The following MAGI1 variants were observed in gnomAD, a reference collection of about 807,000 sequenced individuals.
MAGI1 encodes membrane-associated guanylate kinase, WW and PDZ domain-containing protein 1.
Under a neutral mutation model 139.9 loss-of-function variants are expected in MAGI1, and 58 were observed. The observed-to-expected ratio is 0.41, with a 90% CI of 0.34 to 0.52. The LOEUF (loss-of-function observed/expected upper bound fraction) is 0.52, where lower values mean the gene tolerates loss of function less well. Among genes scored for constraint, MAGI1 ranks in the 20% least tolerant of loss-of-function variants. The probability of loss-of-function intolerance (pLI) is 0.12; values close to 1 mark genes in which losing one functional copy is unlikely to be tolerated. For missense variants in MAGI1, 1,874 were observed against 1,901.6 expected (o/e 0.99, Z 0.27); for synonymous variants, 812 against 737.9 (o/e 1.10, Z -1.63).
At chr3:65,605,207 C>T (rs1234762439) in intron 2 of MAGI1, among the ~76,000 whole-genome samples, 1 of 152,156 alleles carries the variant, frequency 6.6e-6, no homozygotes, top group Non-Finnish European at 1.5e-5. Context: ...TCCACTTATC[C>T]TTAAAATTGC....
At chr3:65,368,574 G>A (rs1457313456) in intron 18 of MAGI1, among the ~76,000 whole-genome samples, 1 of 152,112 alleles carries the variant, frequency 6.6e-6, no homozygotes, top group Non-Finnish European at 1.5e-5. Context: ...CTCCCCTTAC[G>A]GAATCCACAT....
At chr3:65,472,672 C>T (rs1450835819) in intron 4 of MAGI1, among the ~76,000 whole-genome samples, 1 of 152,166 alleles carries the variant, frequency 6.6e-6, no homozygotes, top group African/African-American at 2.4e-5. Context: ...GCTACACACT[C>T]CTCCGTGCAC....
At chr3:65,403,713 A>G (rs561560597) in intron 12 of MAGI1, among the ~76,000 whole-genome samples, 2 of 152,290 alleles carry the variant, frequency 1.3e-5, no homozygotes, top group East Asian at 3.9e-4. Context: ...AATGGTTTCA[A>G]TCTATACTCT....
At chr3:65,954,897 T>A (rs1306554588) in intron 1 of MAGI1, among the ~76,000 whole-genome samples, 1 of 152,154 alleles carries the variant, frequency 6.6e-6, no homozygotes, top group Admixed American at 6.5e-5. Flanking sequence ...AATTCTGACA[T>A]TTGTCATTCT....
At chr3:66,024,656 A>G (rs1432845157) in intron 1 of MAGI1, among the ~76,000 whole-genome samples, 1 of 152,160 alleles carries the variant, frequency 6.6e-6, no homozygotes, top group Non-Finnish European at 1.5e-5. Context: ...AAAATACAAA[A>G]TTAGCTGGGT....
At chr3:65,724,930 G>A (rs1389835502) in intron 1 of MAGI1, among the ~76,000 whole-genome samples, 1 of 152,010 alleles carries the variant, frequency 6.6e-6, no homozygotes, top group Non-Finnish European at 1.5e-5. Context: ...CAACACTCGG[G>A]GGTTATGGGC....
chr3:65,668,605 C>A (rs182817403), intron 1 of MAGI1, among the ~76,000 whole-genome samples: 3 of 123,278 alleles, frequency 2.4e-5, no homozygotes, highest in African/African-American at 9.7e-5. Context: ...CTCACTCTGT[C>A]GCCCAGGCTG....
chr3:65,916,800 CAT>C (rs1384599243), intron 1 of MAGI1, among the ~76,000 whole-genome samples: 3 of 151,934 alleles, frequency 2.0e-5, no homozygotes, highest in Non-Finnish European at 4.4e-5. Context: ...CACACACACA[CAT>C]ACACACACAC....
intron 2 of MAGI1, among the ~76,000 whole-genome samples, chr3:65,572,039 GA>G (rs1363537543): frequency 6.6e-6 from 1 of 151,848 alleles, no homozygotes; most frequent in African/African-American, 2.4e-5. Flanking sequence ...GAAAGGGACA[GA>G]AAAAGATTAT....
intron 1 of MAGI1, among the ~76,000 whole-genome samples, chr3:65,634,031 G>A (rs2107177474): frequency 6.6e-6 from 1 of 152,294 alleles, no homozygotes; most frequent in South Asian, 2.1e-4. Context: ...CTTTCAATGA[G>A]CCAGATAGCA....
intron 1 of MAGI1, among the ~76,000 whole-genome samples, chr3:66,000,034 G>A (rs1184835885): frequency 3.4e-5 from 5 of 146,024 alleles, no homozygotes; most frequent in Non-Finnish European, 5.9e-5. Context: ...GTGCAGTGGC[G>A]CGAACTAGGC....
chr3:65,698,568 G>A (rs1232113725), intron 1 of MAGI1, among the ~76,000 whole-genome samples: 6 of 151,922 alleles, frequency 3.9e-5, no homozygotes, highest in Admixed American at 1.3e-4. Context: ...CAGAAATAAC[G>A]CTGCATATCT....
intron 1 of MAGI1, among the ~76,000 whole-genome samples, chr3:66,031,743 TG>T (rs2068606279): frequency 6.6e-6 from 1 of 151,230 alleles, no homozygotes; most frequent in African/African-American, 2.4e-5. Flanking sequence ...GGGCTAAAAT[TG>T]GATTGTGTTC....
At chr3:65,867,423 T>A (rs2059767585) in intron 1 of MAGI1, among the ~76,000 whole-genome samples, 1 of 152,180 alleles carries the variant, frequency 6.6e-6, no homozygotes, top group Non-Finnish European at 1.5e-5. Flanking sequence ...ATCAACCCAG[T>A]TCCCCTAACT....
At chr3:65,707,060 G>A (rs2030434488) in intron 1 of MAGI1, among the ~76,000 whole-genome samples, 1 of 152,148 alleles carries the variant, frequency 6.6e-6, no homozygotes, top group Non-Finnish European at 1.5e-5. Flanking sequence ...AAAGATTTCA[G>A]GGAATGACAG....
At chr3:65,396,028 A>C (rs1037546850) in intron 13 of MAGI1, among the ~76,000 whole-genome samples, 1 of 152,106 alleles carries the variant, frequency 6.6e-6, no homozygotes. Context: ...GTCAGAAGAC[A>C]CTTTGTTGCC....
intron 1 of MAGI1, among the ~76,000 whole-genome samples, chr3:65,806,116 T>A (rs1323672358): frequency 2.6e-5 from 4 of 152,144 alleles, no homozygotes; most frequent in South Asian, 2.1e-4. Flanking sequence ...AGAAATTTTT[T>A]AAAAATTAAA....
At chr3:65,476,947 A>C (rs1950925886) in intron 4 of MAGI1, among the ~76,000 whole-genome samples, 1 of 152,240 alleles carries the variant, frequency 6.6e-6, no homozygotes, top group South Asian at 2.1e-4. Context: ...TTGGGCAGGC[A>C]CTGGCCTAAC....
At chr3:65,735,478 G>A (rs1367035051) in intron 1 of MAGI1, among the ~76,000 whole-genome samples, 5 of 152,014 alleles carry the variant, frequency 3.3e-5, no homozygotes, top group African/African-American at 2.4e-5. Flanking sequence ...TGAGATCAGC[G>A]AGATTCCATT....
Sources: gnomAD v4.1 joint callset for allele counts (sites outside exome capture counted in the v4.1 genomes callset) on GRCh38, gnomAD v4.1.1 for gene constraint, MANE v1.5 for transcripts, NCBI Gene and HGNC (gene_info 2026-07-23, HGNC 2026-07-21) for gene names.